Variants in TM4SF18 observed in about 807,000 individuals in gnomAD.
The protein encoded by TM4SF18 is transmembrane 4 L6 family member 18.
In TM4SF18, 22 loss-of-function variants were observed where a neutral mutation model predicts 23.8. The observed-to-expected ratio is 0.92, with a 90% confidence interval of 0.66 to 1.32. The LOEUF is 1.32. TM4SF18 is among the 40% of genes most tolerant of loss of function. The probability of loss-of-function intolerance (pLI) is 0.00; values close to 1 mark genes in which losing one functional copy is unlikely to be tolerated. For synonymous variants in TM4SF18, 87 were observed against 87.9 expected, an observed-to-expected ratio of 0.99 and a Z score of 0.06; for missense variants, 255 against 240.3, an observed-to-expected ratio of 1.06 and a Z score of -0.41.
rs1730828277 is a variant in TM4SF18, at chr3:149,322,397, T to C, written c.450A>G (p.Glu150=). The C allele has an allele frequency of 6.2e-7, 1 of 1,613,894 alleles. No individual in the cohort carries two copies. Among genetic ancestry groups the C allele is most frequent in the African/African-American group, 1.3e-5 (1 of 74,906 alleles). Residue 150 remains glutamate, a synonymous_variant, in exon 5 of 6, where the codon GAA becomes GAG. Coordinates refer to ENST00000296059, the MANE Select transcript of TM4SF18 (RefSeq NM_138786.4). ...TDSSIWIQCL[E]PAHVVEWNII... ...TGTTCCACTCCACAACATGTGCAGG[T>C]TCCAGGCACTGAATCCATATGCTAG...
Position 149,327,537 on chromosome 3 carries a change from T to C in TM4SF18, c.268-2515A>G, listed in dbSNP as rs563297131. On this transcript the variant is annotated intron_variant, in intron 3 of 5. Coordinates refer to ENST00000296059, the MANE Select transcript of TM4SF18 (RefSeq NM_138786.4). ...CAGAAATAAGGATACCAAGAAAGGT[T>C]ATTTGGTTTGGGGGAAAAATTAGCT... 1.7e-3 allele frequency among the ~76,000 whole-genome samples: 264 copies of C among 151,674 alleles called. 2 individuals are homozygous for C. Among genetic ancestry groups the C allele is most frequent in the African/African-American group, 6.2e-3 (255 of 41,308 alleles).
At position 149,333,379 on chromosome 3, in the gene TM4SF18, C is replaced by G. The variant is rs1247361610; in HGVS notation, c.4G>C (p.Gly2Arg). Residue 2 changes from glycine (G) to arginine (R), a missense_variant, in exon 2 of 6, where the codon GGG becomes CGG. Transcript: ENST00000296059. M[G>R]SRKCGGCLSC... ...AGGCAGCCTCCACACTTCCGAGACC[C>G]CATTTTGCCCTGCTTAGAACCTGCG... 6.2e-7 allele frequency: 1 copy of G among 1,610,500 alleles called. No individual in the cohort carries two copies. Among genetic ancestry groups the G allele is most frequent in the Admixed American group, 1.7e-5 (1 of 59,708 alleles).
At chr3:149,329,700 G>A (rs747973905) in intron 3 of TM4SF18, among the ~76,000 whole-genome samples, 7 of 152,102 alleles carry the variant, frequency 4.6e-5, no homozygotes, top group Non-Finnish European at 1.0e-4. Context: ...TAGAAAATGC[G>A]GTTGTATTAT....
chr3:149,324,856 T>G, intron 4 of TM4SF18, 24 bp downstream of exon 4: 1 of 1,613,306 alleles, frequency 6.2e-7, no homozygotes, highest in Non-Finnish European at 8.5e-7. Context: ...TCCGACCTCC[T>G]TGGTTTGGGG....
chr3:149,323,542 G>A (rs537312542), intron 4 of TM4SF18, among the ~76,000 whole-genome samples: 1 of 152,284 alleles, frequency 6.6e-6, no homozygotes, highest in East Asian at 1.9e-4. Context: ...AACATGAATT[G>A]TGAAGATTTC....
intron 3 of TM4SF18, 142 bp downstream of exon 3, chr3:149,330,187 TG>T: frequency 2.4e-6 from 1 of 419,794 alleles, no homozygotes; most frequent in Non-Finnish European, 4.3e-6. Context: ...AAATGGAAGA[TG>T]ATCTTGGCAG....
chr3:149,333,533 T>C lies in TM4SF18; in HGVS notation c.-38A>G, dbSNP rs376908709. ...CCTACCACTTCCAGGGTCAGAGCCC[T>C]TCACTTCATATTCATGAGGAGACGG... On this transcript the variant is annotated 5_prime_UTR_variant, in exon 1 of 6. Coordinates refer to ENST00000296059, the MANE Select transcript of TM4SF18 (RefSeq NM_138786.4). 6.8e-5 allele frequency: 36 copies of C among 527,158 alleles called. No individual in the cohort carries two copies. The African/African-American group carries it at 7.6e-4, about 11-fold the overall frequency. The allele number at this position is 527,158 out of a possible 1,614,324, so 32.7% of individuals were successfully genotyped here.
rs570319804 is a variant in TM4SF18, at chr3:149,318,835, T to C, written c.*2643A>G. ...CTCAAGGTTTATACATGTCTACATGTAATTATATGGTTACTTAATTAAAAA... is the reference window on the plus strand; with the variant it reads ...CTCAAGGTTTATACATGTCTACATGCAATTATATGGTTACTTAATTAAAAA... On this transcript the variant is annotated 3_prime_UTR_variant, in exon 6 of 6. Coordinates refer to ENST00000296059, the MANE Select transcript of TM4SF18 (RefSeq NM_138786.4). 13 of 152,244 alleles carry C rather than the reference T, an allele frequency of 8.5e-5. No individual in the cohort carries two copies. The highest frequency in any genetic ancestry group is 1.5e-4 in the Non-Finnish European group (10 of 68,042). 9.4% of individuals were successfully genotyped at this position (152,244 alleles called of 1,614,324 possible).
chr3:149,318,713 A>G lies in TM4SF18; in HGVS notation c.*2765T>C, dbSNP rs935013163. On this transcript the variant is annotated 3_prime_UTR_variant, in exon 6 of 6. Transcript: ENST00000296059. Reference sequence around the variant, plus strand: ...CCCATCCAAGTAATAACCTGGATCAATCCTGCTTAAGTTTCCAATATTAGG... The same window carrying G: ...CCCATCCAAGTAATAACCTGGATCAGTCCTGCTTAAGTTTCCAATATTAGG... The G allele has an allele frequency of 5.3e-5, 8 of 152,182 alleles. No individual in the cohort carries two copies. The highest frequency in any genetic ancestry group is 8.8e-5 in the Non-Finnish European group (6 of 68,040). The allele number at this position is 152,182 out of a possible 1,614,324, so 9.4% of individuals were successfully genotyped here.
Position 149,321,324 on chromosome 3 carries a change from T to A in TM4SF18, c.*154A>T. The A allele has an allele frequency of 2.1e-6, 1 of 483,884 alleles. No individual in the cohort carries two copies. The allele number at this position is 483,884 out of a possible 1,614,324, so 30.0% of individuals were successfully genotyped here. A position where few individuals can be genotyped will look rare whatever the true frequency, so the allele number is the denominator to read the frequency against. On this transcript the variant is annotated 3_prime_UTR_variant, in exon 6 of 6. Transcript: ENST00000296059. ...AAACATACTAAATGGAAGGGTGGTA[T>A]ACTTGCATGTGCAGTGAGGACTGCA...
At chr3:149,324,661 A>G in intron 4 of TM4SF18, 1 of 557,918 alleles carries the variant, frequency 1.8e-6, no homozygotes, top group Non-Finnish European at 3.2e-6. Context: ...ACCTCAAGAC[A>G]TTGAATGAAA....
chr3:149,321,326 C>T lies in TM4SF18; in HGVS notation c.*152G>A, dbSNP rs190494590. ...ACATACTAAATGGAAGGGTGGTATA[C>T]TTGCATGTGCAGTGAGGACTGCAAA... is the stretch of plus-strand genomic sequence containing the variant. On this transcript the variant is annotated 3_prime_UTR_variant, in exon 6 of 6. Coordinates refer to ENST00000296059, the MANE Select transcript of TM4SF18 (RefSeq NM_138786.4). 1.4e-5 allele frequency: 7 copies of T among 486,870 alleles called. No homozygotes were observed. The highest frequency in any genetic ancestry group is 2.2e-5 in the Non-Finnish European group (6 of 267,022). The allele number at this position is 486,870 out of a possible 1,614,324, so 30.2% of individuals were successfully genotyped here.
At chr3:149,330,855 G>C (rs1188280983) in intron 2 of TM4SF18, among the ~76,000 whole-genome samples, 3 of 152,112 alleles carry the variant, frequency 2.0e-5, no homozygotes, top group African/African-American at 4.8e-5. Flanking sequence ...ACTGTCCTCT[G>C]GGAATGGAGG....
intron 3 of TM4SF18, among the ~76,000 whole-genome samples, chr3:149,325,880 C>T (rs77162931): frequency 6.6e-6 from 1 of 152,062 alleles, no homozygotes; most frequent in African/African-American, 2.4e-5. Context: ...CACAATAAAC[C>T]CCTACATATC....
At chr3:149,326,750 T>A (rs1730957908) in intron 3 of TM4SF18, among the ~76,000 whole-genome samples, 1 of 152,236 alleles carries the variant, frequency 6.6e-6, no homozygotes, top group Non-Finnish European at 1.5e-5. Flanking sequence ...CTATAATCCA[T>A]AAATGCGATT....
chr3:149,331,656 T>C (rs1439931290), intron 2 of TM4SF18, among the ~76,000 whole-genome samples: 1 of 152,176 alleles, frequency 6.6e-6, no homozygotes, highest in African/African-American at 2.4e-5. Flanking sequence ...CACTGCCTTC[T>C]TTTTTTGTTT....
intron 2 of TM4SF18, among the ~76,000 whole-genome samples, chr3:149,332,678 C>G (rs1461781066): frequency 1.3e-5 from 2 of 152,042 alleles, no homozygotes; most frequent in South Asian, 2.1e-4. Context: ...AAGTAAATGC[C>G]ATTATTCACA....
rs1357175259 is a variant in TM4SF18 at position 149,319,938 on chromosome 3, C to T, written c.*1540G>A. 2 of 152,272 alleles carry T rather than the reference C, an allele frequency of 1.3e-5. No homozygotes were observed. The highest frequency in any genetic ancestry group is 2.9e-5 in the Non-Finnish European group (2 of 68,074). 9.4% of individuals were successfully genotyped at this position (152,272 alleles called of 1,614,324 possible). On this transcript the variant is annotated 3_prime_UTR_variant, in exon 6 of 6. Transcript: ENST00000296059. Reference sequence around the variant, plus strand: ...AATAGGCTGCCCATGACTCTGGGGCCTGCCCCAGTTCAGTCAGCTGGGCCC... The same window carrying T: ...AATAGGCTGCCCATGACTCTGGGGCTTGCCCCAGTTCAGTCAGCTGGGCCC...
rs766904075 is a variant in TM4SF18 at position 149,322,271 on chromosome 3, A to G, written c.576T>C (p.Tyr192=). 4.3e-6 allele frequency: 7 copies of G among 1,612,516 alleles called. No individual in the cohort carries two copies. In the South Asian group the frequency reaches 7.7e-5, roughly 18 times the overall value. The change falls in exon 5 of 6, where the codon TAT becomes TAC. Residue 192 remains tyrosine, a synonymous_variant. Transcript: ENST00000296059. ...AATCTGTTACCTGGAAGATCACTGAATAGCTTCCACACAGTATCTTGGATA... is the reference window on the plus strand; with the variant it reads ...AATCTGTTACCTGGAAGATCACTGAGTAGCTTCCACACAGTATCTTGGATA... ...MQLSKILCGS[Y]SVIFQPGII
Sources: gnomAD v4.1 joint callset for allele counts (sites outside exome capture counted in the v4.1 genomes callset) on GRCh38, gnomAD v4.1.1 for gene constraint, MANE v1.5 for transcripts, NCBI Gene and HGNC (gene_info 2026-07-23, HGNC 2026-07-21) for gene names.